INF2: variants seen among roughly 807,000 people sequenced by gnomAD.
The protein encoded by INF2 is inverted formin 2.
Under a neutral mutation model 123.5 loss-of-function variants are expected in INF2, and 43 were observed. The ratio of observed to expected loss-of-function variants is 0.35; its 90% CI spans 0.27 to 0.45. The LOEUF (loss-of-function observed/expected upper bound fraction) is 0.45. Among genes scored for constraint, INF2 ranks in the 20% least tolerant of loss-of-function variants. The pLI, the probability that INF2 is intolerant of heterozygous loss-of-function variation, is 1.00. For missense variants in INF2, 1,453 were observed against 1,682.7 expected, an observed-to-expected ratio of 0.86 and a Z score of 2.39; for synonymous variants, 851 against 745.0, an observed-to-expected ratio of 1.14 and a Z score of -2.32.
intron 1 of INF2, among the ~76,000 whole-genome samples, chr14:104,698,567 G>A (rs1414871061): frequency 6.6e-6 from 1 of 152,238 alleles, no homozygotes; most frequent in East Asian, 1.9e-4. Flanking sequence ...TATGAGATGA[G>A]ACAAAAATCA....
At chr14:104,698,738 G>A (rs1889322135) in intron 1 of INF2, among the ~76,000 whole-genome samples, 1 of 151,876 alleles carries the variant, frequency 6.6e-6, no homozygotes, top group Non-Finnish European at 1.5e-5. Flanking sequence ...CTGACGGGGG[G>A]CCTGGGTGAG....
At chr14:104,714,110 G>A in intron 20 of INF2, 93 bp from the exon 21 acceptor site, 1 of 1,144,398 alleles carries the variant, frequency 8.7e-7, no homozygotes, top group Non-Finnish European at 1.2e-6. Context: ...GGTTTTGCAG[G>A]GCGTTCAGGT....
At position 104,707,638 on chromosome 14, in the gene INF2, AC is replaced by A; in HGVS notation, c.1376del (p.Pro459ArgfsTer99). ...TGGGGGCTAAGGCCCTCCCAACAGC[AC>A]CCCCGCCCCCACCCCTGCCAGGCCT... ...SVGAKALPTA[P>X]PPPPLPGLGA... On this transcript the variant is annotated frameshift_variant, in exon 8 of 23. Transcript: ENST00000392634. LOFTEE classifies it high-confidence loss of function. The A allele has an allele frequency of 2.7e-6, 2 of 739,394 alleles. No individual in the cohort carries two copies. The highest frequency in any genetic ancestry group is 4.0e-6 in the Non-Finnish European group (2 of 494,554). The allele number at this position is 739,394 out of a possible 1,614,324, so 45.8% of individuals were successfully genotyped here. A position where few individuals can be genotyped will look rare whatever the true frequency, so the allele number is the denominator to read the frequency against.
At position 104,714,386 on chromosome 14, in the gene INF2, G is replaced by A. The variant is rs370169829; in HGVS notation, c.3224G>A (p.Arg1075His). 1.9e-5 allele frequency: 30 copies of A among 1,601,058 alleles called. No homozygotes were observed. Among genetic ancestry groups the A allele is most frequent in the East Asian group, 2.3e-5 (1 of 44,264 alleles). The stretch of plus-strand genomic sequence containing the variant: ...GGTGGTCCACGGCCCCTGGAGAGGC[G>A]TTCTTCCTGGTATGTGGATGCCAGC... ...EEGGPRPLERRSSWYVDASDV... is the reference protein window; with the variant it reads ...EEGGPRPLERHSSWYVDASDV... The change falls in exon 21 of 23, where the codon CGT becomes CAT. Residue 1075 changes from arginine to histidine, a missense_variant. Coordinates refer to ENST00000392634, the MANE Select transcript of INF2 (RefSeq NM_022489.4).
intron 5 of INF2, among the ~76,000 whole-genome samples, chr14:104,705,416 C>CA (rs11289751): frequency 7.4e-4 from 106 of 143,440 alleles, no homozygotes; most frequent in Middle Eastern, 7.3e-3. Flanking sequence ...GACTCCATCT[C>CA]AAAAAAAAAA....
chr14:104,714,412 G>A lies in INF2; in HGVS notation c.3250G>A (p.Asp1084Asn), dbSNP rs557741807. Residue 1084 changes from aspartate (D) to asparagine (N), a missense_variant, in exon 21 of 23, where the codon GAT (aspartate) becomes AAT (asparagine). Asp to Asn is a conservative substitution (Grantham distance 23). Around this residue, in one of 8 missense-constraint regions of INF2, gnomAD observed 344 missense variants for 333.1 expected, o/e 1.03. Transcript: ENST00000392634. ...TTCTTCCTGGTATGTGGATGCCAGC[G>A]ATGTCCTAACCACTGAGGATCCCCA... Reference protein sequence around the residue: ...RRSSWYVDASDVLTTEDPQCP... With the variant: ...RRSSWYVDASNVLTTEDPQCP... The A allele has an allele frequency of 1.1e-5, 17 of 1,606,290 alleles. No individual in the cohort carries two copies. Among genetic ancestry groups the A allele is most frequent in the Middle Eastern group, 3.3e-4 (2 of 6,054 alleles).
intron 6 of INF2, among the ~76,000 whole-genome samples, chr14:104,706,426 C>G (rs1889782432): frequency 6.6e-6 from 1 of 152,152 alleles, no homozygotes; most frequent in South Asian, 2.1e-4. Flanking sequence ...GCCACAGGAC[C>G]CAGAAGGACG....
chr14:104,710,103 C>A lies in INF2; in HGVS notation c.2154C>A (p.Ile718=). The change falls in exon 13 of 23, where the codon ATC becomes ATA. Residue 718 remains isoleucine (I), a synonymous_variant. Transcript: ENST00000392634. ...LLAIPCYQLR[I]ECMLLCEGAA... is the part of the protein sequence containing the mutation. ...CCATCCCCAGCTACCAGCTGCGAAT[C>A]GAGTGCATGCTGCTGTGTGAGGGCG... The A allele has an allele frequency of 6.4e-7, 1 of 1,552,026 alleles. No homozygotes were observed. Among genetic ancestry groups the A allele is most frequent in the Non-Finnish European group, 8.7e-7 (1 of 1,148,258 alleles).
At chr14:104,711,420 C>T (rs1204554374) in intron 15 of INF2, among the ~76,000 whole-genome samples, 1 of 152,200 alleles carries the variant, frequency 6.6e-6, no homozygotes, top group South Asian at 2.1e-4. Flanking sequence ...CCCCAGGATA[C>T]CTGTCCCTGA....
intron 2 of INF2, among the ~76,000 whole-genome samples, chr14:104,701,982 C>T (rs1326617149): frequency 6.6e-6 from 1 of 152,202 alleles, no homozygotes; most frequent in African/African-American, 2.4e-5. Flanking sequence ...CACTGCTGCA[C>T]CAGCGGTCCC....
chr14:104,711,833 C>A, intron 16 of INF2, 134 bp downstream of exon 16: 1 of 750,648 alleles, frequency 1.3e-6, no homozygotes, highest in Admixed American at 2.3e-5. Context: ...GAGCCCTGCC[C>A]AATAGAACAC....
At position 104,708,515 on chromosome 14, in the gene INF2, A is replaced by G. The variant is rs777909557; in HGVS notation, c.1815A>G (p.Leu605=). 1.9e-6 allele frequency: 3 copies of G among 1,612,072 alleles called. No homozygotes were observed. Among genetic ancestry groups the G allele is most frequent in the Admixed American group, 3.3e-5 (2 of 59,970 alleles). Reference sequence around the variant, plus strand: ...CCGACTTCTCCAGCATCGAGCGACTATTCTCCTTCCCTGCAGCCAAGCCCA... The same window carrying G: ...CCGACTTCTCCAGCATCGAGCGACTGTTCTCCTTCCCTGCAGCCAAGCCCA... ...VEPDFSSIER[L]FSFPAAKPKE... The change falls in exon 9 of 23, where the codon CTA becomes CTG. Residue 605 remains leucine (L), a synonymous_variant. Transcript: ENST00000392634.
At position 104,684,053 on chromosome 14, in the gene INF2, A is replaced by G. The variant is rs778842171; in HGVS notation, c.-104+2471A>G. On this transcript the variant is annotated intron_variant, in intron 1 of 2. Transcript: ENST00000674723. This position sits in a 1 kb window ranked among gnomAD's most constrained non-coding sequence, Gnocchi z 5.0. ...GGGTTGCAAGGCCCAGTGTCTTCTC[A>G]CCTCGTTAGGTGGAGAACCCCTTCT... The G allele has an allele frequency of 3.3e-5, 15 of 455,820 alleles. No homozygotes were observed. The highest frequency in any genetic ancestry group is 6.6e-5 in the Non-Finnish European group (15 of 226,764). 28.2% of individuals were successfully genotyped at this position (455,820 alleles called of 1,614,324 possible).
rs1060499868 is a variant in INF2, at chr14:104,709,346, TCAAA to T, written c.2019_2022del (p.Lys673AsnfsTer87). 2.5e-6 allele frequency: 4 copies of T among 1,612,932 alleles called. No individual in the cohort carries two copies. The highest frequency in any genetic ancestry group is 1.7e-6 in the Non-Finnish European group (2 of 1,179,794). ...ACCACCAAGTTTGATGTGGAGGTTC[TCAAA>T]CAACTCCTTAAGCTCCTTCCCGAGA... On this transcript the variant is annotated frameshift_variant, in exon 11 of 23. Coordinates refer to ENST00000392634, the MANE Select transcript of INF2 (RefSeq NM_022489.4). LOFTEE classifies it high-confidence loss of function.
Position 104,714,246 on chromosome 14 carries a change from C to A in INF2, c.3084C>A (p.Arg1028=). 6.3e-7 allele frequency: 1 copy of A among 1,577,910 alleles called. No individual in the cohort carries two copies. The highest frequency in any genetic ancestry group is 8.6e-7 in the Non-Finnish European group (1 of 1,163,384). ...CAGGAGATCCCGTGGGCAGCACGCGCTGTCCCGCCTCTGAGCCCGGCCTTG... is the reference window on the plus strand; with the variant it reads ...CAGGAGATCCCGTGGGCAGCACGCGATGTCCCGCCTCTGAGCCCGGCCTTG... ...NPAGDPVGST[R]CPASEPGLDA... Residue 1028 remains arginine (R), a synonymous_variant, in exon 21 of 23, where the codon CGC becomes CGA. Coordinates refer to ENST00000392634, the MANE Select transcript of INF2 (RefSeq NM_022489.4).
upstream of INF2, chr14:104,689,092 G>C (rs1304463359): frequency 1.9e-6 from 1 of 513,590 alleles, no homozygotes; most frequent in Non-Finnish European, 2.5e-6. Flanking sequence ...GTCAGGCAGG[G>C]CTGCGGAGAG....
upstream of INF2, chr14:104,689,516 C>T (rs1411818402): frequency 8.2e-5 from 39 of 475,314 alleles, no homozygotes; most frequent in Non-Finnish European, 1.0e-4. Flanking sequence ...CCCACCTCCC[C>T]CCCCAGGCCC....
In INF2 at chr14:104,712,974, T is replaced by G. The variant is rs544483655; in HGVS notation, c.2757T>G (p.Leu919=). ...TFSTMKAFRD[L]FLRALKENKD... is the part of the protein sequence containing the mutation. ...GCACCATGAAGGCTTTCCGGGACCT[T>G]TTCCTCCGCGCCCTGAAGGTGGGGC... Residue 919 remains leucine (L), a synonymous_variant, in exon 18 of 23, where the codon CTT becomes CTG. Coordinates refer to ENST00000392634, the MANE Select transcript of INF2 (RefSeq NM_022489.4). 3.7e-6 allele frequency: 6 copies of G among 1,612,526 alleles called. No homozygotes were observed. The South Asian group carries it at 6.6e-5, about 18-fold the overall frequency.
At chr14:104,685,303 C>T (rs1888628475), upstream of INF2, among the ~76,000 whole-genome samples, 1 of 152,130 alleles carries the variant, frequency 6.6e-6, no homozygotes, top group African/African-American at 2.4e-5. Flanking sequence ...TGTCTACCTC[C>T]TGCAGCCAGA....
Sources: allele counts gnomAD v4.1 joint callset (sites outside exome capture counted in the v4.1 genomes callset), GRCh38; gene constraint gnomAD v4.1.1; regional missense constraint gnomAD v4.1.1; non-coding constraint Gnocchi (gnomAD v3.1); transcripts MANE v1.5; gene names NCBI Gene and HGNC (gene_info 2026-07-23, HGNC 2026-07-21).